The following CABIN1 variants were observed in gnomAD, a reference collection of about 807,000 sequenced individuals.
CABIN1 encodes the protein calcineurin binding protein 1.
CABIN1 carries 133 observed loss-of-function variants against 227.7 expected under a neutral mutation model. The ratio of observed to expected loss-of-function variants is 0.58; its 90% CI spans 0.51 to 0.67. CABIN1 has a LOEUF of 0.67. Among genes scored for constraint, CABIN1 ranks in the 30% least tolerant of loss-of-function variants. The pLI, the probability that CABIN1 is intolerant of heterozygous loss-of-function variation, is 0.00. For missense variants in CABIN1, 2,408 were observed against 2,852.5 expected, an observed-to-expected ratio of 0.84 and a Z score of 3.55; for synonymous variants, 1,086 against 1,155.1, an observed-to-expected ratio of 0.94 and a Z score of 1.21.
At chr22:24,156,945 C>G (rs1223441610) in intron 29 of CABIN1, among the ~76,000 whole-genome samples, 1 of 152,162 alleles carries the variant, frequency 6.6e-6, no homozygotes, top group Admixed American at 6.5e-5. Context: ...GAGCGGGCGC[C>G]AGCTGCAGGC....
At chr22:24,072,852 C>T (rs1160206292) in intron 18 of CABIN1, among the ~76,000 whole-genome samples, 5 of 152,104 alleles carry the variant, frequency 3.3e-5, no homozygotes, top group African/African-American at 7.2e-5. Context: ...CCATGACACC[C>T]GAAGGGATGG....
Position 24,171,856 on chromosome 22 carries a change from C to T in CABIN1, c.5901C>T (p.Arg1967=). Reference sequence around the variant, plus strand: ...CCAGTGATGCTCACACCAAGCCTCGCCCTGCACTAGCTGCCGCCACAACTA... The same window carrying T: ...CCAGTGATGCTCACACCAAGCCTCGTCCTGCACTAGCTGCCGCCACAACTA... The part of the protein sequence containing the change: ...QRPSDAHTKP[R]PALAAATTII... Residue 1967 remains arginine (R), a synonymous_variant, in exon 34 of 37, where the codon CGC becomes CGT. Transcript: ENST00000263119. 2 of 1,614,120 alleles carry T rather than the reference C, an allele frequency of 1.2e-6. No homozygotes were observed. The highest frequency in any genetic ancestry group is 2.2e-5 in the East Asian group (1 of 44,880).
chr22:24,072,072 C>T (rs778293980), intron 17 of CABIN1, among the ~76,000 whole-genome samples: 2 of 152,202 alleles, frequency 1.3e-5, no homozygotes, highest in Non-Finnish European at 2.9e-5. Flanking sequence ...GGGCTCTCAG[C>T]TCCCCCATGC....
At chr22:24,042,866 G>T (rs1256850716) in intron 5 of CABIN1, 38 bp from the exon 6 acceptor site, 46 of 1,278,924 alleles carry the variant, frequency 3.6e-5, no homozygotes, top group Non-Finnish European at 5.1e-5. Context: ...GTGTGTGTGT[G>T]TGTGTGTGTG....
In CABIN1 at chr22:24,103,857, G is replaced by C. The variant is rs1008433210; in HGVS notation, c.4117+5665G>C. ...TGATTCCTGCTCCCAGGTTGGATCT[G>C]ATGTCCCATGGTATCATGGGACAGT... is the stretch of plus-strand genomic sequence containing the variant. On this transcript the variant is annotated intron_variant, in intron 26 of 36. Transcript: ENST00000263119. Among the ~76,000 whole-genome samples the C allele has an allele frequency of 7.9e-5, 12 of 152,270 alleles. 1 individual carries two copies. Among genetic ancestry groups the C allele is most frequent in the East Asian group, 5.8e-4 (3 of 5,172 alleles).
At chr22:24,105,904 G>T (rs1277218602) in intron 26 of CABIN1, among the ~76,000 whole-genome samples, 3 of 152,202 alleles carry the variant, frequency 2.0e-5, no homozygotes, top group Non-Finnish European at 4.4e-5. Context: ...GACCCAGCCG[G>T]TCCTCTGAGG....
Position 24,091,567 on chromosome 22 carries a change from C to T in CABIN1, c.3526-16C>T, listed in dbSNP as rs1240000138. ...TTCAGGCGTAAGGCCAGCCCAGTCT[C>T]ATGATCTTCTTACAGATGGAGGGCC... On this transcript the variant is annotated splice_polypyrimidine_tract_variant and intron_variant, in intron 23 of 36. Coordinates refer to ENST00000263119, the MANE Select transcript of CABIN1 (RefSeq NM_012295.4). The T allele has an allele frequency of 1.2e-5, 19 of 1,614,044 alleles. No individual in the cohort carries two copies. Among genetic ancestry groups the T allele is most frequent in the Non-Finnish European group, 1.6e-5 (19 of 1,180,052 alleles).
At chr22:24,089,139 C>G (rs746744595) in intron 23 of CABIN1, among the ~76,000 whole-genome samples, 1 of 152,196 alleles carries the variant, frequency 6.6e-6, no homozygotes, top group Non-Finnish European at 1.5e-5. Flanking sequence ...TCTCCCTAAT[C>G]TCCCACCAAT....
rs768163389 is a variant in CABIN1 at position 24,084,793 on chromosome 22, C to T, written c.3117+8C>T. The T allele has an allele frequency of 2.5e-6, 4 of 1,613,910 alleles. No homozygotes were observed. Among genetic ancestry groups the T allele is most frequent in the Admixed American group, 1.7e-5 (1 of 60,022 alleles). On this transcript the variant is annotated splice_region_variant and intron_variant, in intron 21 of 36. Coordinates refer to ENST00000263119, the MANE Select transcript of CABIN1 (RefSeq NM_012295.4). ...GAGGGAACTTCAACTGAGGTGGGCC[C>T]ACAACCTTGAGGACGTGGGGGACAG...
chr22:24,060,272 TG>T (rs1209940918), intron 12 of CABIN1, 131 bp downstream of exon 12: 1 of 878,120 alleles, frequency 1.1e-6, no homozygotes, highest in African/African-American at 1.7e-5. Flanking sequence ...GGTTTTTTTG[TG>T]GGTGTCGAAG....
At chr22:24,168,877 G>A (rs1430907446) in intron 33 of CABIN1, among the ~76,000 whole-genome samples, 1 of 152,216 alleles carries the variant, frequency 6.6e-6, no homozygotes, top group African/African-American at 2.4e-5. Context: ...CAGGTGGCAG[G>A]GGAAGGTGGA....
chr22:24,038,162 TG>T (rs1189422558), intron 3 of CABIN1, among the ~76,000 whole-genome samples, 185 bp from the exon 4 acceptor site: 5 of 152,170 alleles, frequency 3.3e-5, no homozygotes, highest in African/African-American at 1.2e-4. Flanking sequence ...ATTAAATCAT[TG>T]GTGATCAGCT....
chr22:24,038,169 C>T (rs374386780), intron 3 of CABIN1, among the ~76,000 whole-genome samples, 179 bp from the exon 4 acceptor site: 1 of 152,170 alleles, frequency 6.6e-6, no homozygotes, highest in East Asian at 1.9e-4. Context: ...CATTGGTGAT[C>T]AGCTCAATCT....
chr22:24,149,241 A>T (rs1030095191), intron 29 of CABIN1, among the ~76,000 whole-genome samples: 1 of 152,240 alleles, frequency 6.6e-6, no homozygotes, highest in Non-Finnish European at 1.5e-5. Flanking sequence ...TCAGGCTCCA[A>T]TCCTGACCTG....
In CABIN1 at chr22:24,074,323, G is replaced by A. The variant is rs559465121; in HGVS notation, c.2632+1813G>A. On this transcript the variant is annotated intron_variant, in intron 18 of 36. Coordinates refer to ENST00000263119, the MANE Select transcript of CABIN1 (RefSeq NM_012295.4). Reference sequence around the variant, plus strand: ...TTGAAAAGTACATCAAAGAAAGAGAGAGAGATTGGAAAGGAAAAAGAAAGA... The same window carrying A: ...TTGAAAAGTACATCAAAGAAAGAGAAAGAGATTGGAAAGGAAAAAGAAAGA... Among the ~76,000 whole-genome samples, 5 of 152,238 alleles carry A rather than the reference G, an allele frequency of 3.3e-5. No individual in the cohort carries two copies. The East Asian group carries it at 9.6e-4, about 29-fold the overall frequency.
chr22:24,161,624 C>T (rs946339912), intron 29 of CABIN1, among the ~76,000 whole-genome samples: 1 of 152,224 alleles, frequency 6.6e-6, no homozygotes, highest in African/African-American at 2.4e-5. Context: ...TGCTGGCTCC[C>T]TCCACCTGCC....
chr22:24,086,058 A>G (rs1195857148), intron 22 of CABIN1, among the ~76,000 whole-genome samples: 1 of 152,206 alleles, frequency 6.6e-6, no homozygotes, highest in Non-Finnish European at 1.5e-5. Context: ...CCAGTTTGCA[A>G]GACTTGTGTA....
At chr22:24,096,408 G>C (rs1363557155) in intron 25 of CABIN1, among the ~76,000 whole-genome samples, 1 of 152,200 alleles carries the variant, frequency 6.6e-6, no homozygotes, top group Non-Finnish European at 1.5e-5. Flanking sequence ...GAACACTGTA[G>C]AAAGTCAGTT....
intron 29 of CABIN1, among the ~76,000 whole-genome samples, chr22:24,134,638 G>A (rs1179538097): frequency 6.6e-6 from 1 of 152,192 alleles, no homozygotes; most frequent in Non-Finnish European, 1.5e-5. Flanking sequence ...GTGGGGAGAT[G>A]CATGGATGAG....
Sources: gnomAD v4.1 joint callset for allele counts (sites outside exome capture counted in the v4.1 genomes callset) on GRCh38, gnomAD v4.1.1 for gene constraint, MANE v1.5 for transcripts, NCBI Gene and HGNC (gene_info 2026-07-23, HGNC 2026-07-21) for gene names.